CHFR: variants seen among roughly 807,000 people sequenced by gnomAD.
The protein encoded by CHFR is checkpoint with forkhead and ring finger domains, also known as E3 ubiquitin-protein ligase CHFR.
CHFR carries 57 observed loss-of-function variants against 87.6 expected under a neutral mutation model. That is an observed-to-expected ratio of 0.65 (90% CI 0.53 to 0.81). The LOEUF (loss-of-function observed/expected upper bound fraction) is 0.81, where lower values mean the gene tolerates loss of function less well. Ranked by LOEUF, CHFR falls within the 30% of genes least tolerant of loss-of-function variation. The probability of loss-of-function intolerance (pLI) is 0.00; values close to 1 mark genes in which losing one functional copy is unlikely to be tolerated. For missense variants in CHFR, 797 were observed against 865.8 expected, an observed-to-expected ratio of 0.92 and a Z score of 1.00; for synonymous variants, 381 against 359.2, an observed-to-expected ratio of 1.06 and a Z score of -0.69.
intron 15 of CHFR, among the ~76,000 whole-genome samples, chr12:132,844,588 A>G (rs1474156715): frequency 6.6e-6 from 1 of 151,086 alleles, no homozygotes; most frequent in Non-Finnish European, 1.5e-5. Flanking sequence ...CCGGCCACCA[A>G]TTTATTTTCT....
At chr12:132,848,426 G>T (rs1384834010) in intron 13 of CHFR, 2 of 704,140 alleles carry the variant, frequency 2.8e-6, no homozygotes, top group Non-Finnish European at 4.9e-6. Context: ...TGTCCTGGGA[G>T]TATCTCCCCT....
intron 4 of CHFR, among the ~76,000 whole-genome samples, chr12:132,871,564 G>A (rs1164092005): frequency 6.7e-6 from 1 of 148,474 alleles, no homozygotes; most frequent in African/African-American, 2.5e-5. Flanking sequence ...CTGAGGTCGG[G>A]AGTTTGAGAC....
intron 5 of CHFR, 80 bp downstream of exon 5, chr12:132,870,644 A>C: frequency 9.9e-7 from 1 of 1,013,664 alleles, no homozygotes; most frequent in East Asian, 2.4e-5. Flanking sequence ...TGGGTAACAG[A>C]GCGAGACTCC....
chr12:132,854,317 G>A (rs1214269988), intron 10 of CHFR: 2 of 152,274 alleles, frequency 1.3e-5, no homozygotes, highest in South Asian at 2.1e-4. Flanking sequence ...CACCCTTTCC[G>A]ATCGGTGTCT....
At position 132,836,584 on chromosome 12, in the gene CHFR, G is replaced by A. The variant is rs1285040645; in HGVS notation, c.*4970C>T. On this transcript the variant is annotated 3_prime_UTR_variant, in exon 18 of 18. Coordinates refer to ENST00000450056, the MANE Select transcript of CHFR (RefSeq NM_001161346.2). Reference sequence around the variant, plus strand: ...GTGACAGGCTCCCAGCACGGCGCACGGCACTCACTCCTGGTCTGACTGGCC... The same window carrying A: ...GTGACAGGCTCCCAGCACGGCGCACAGCACTCACTCCTGGTCTGACTGGCC... The A allele has an allele frequency of 1.1e-5, 5 of 451,078 alleles. No individual in the cohort carries two copies. The highest frequency in any genetic ancestry group is 1.8e-5 in the Non-Finnish European group (4 of 224,898). 27.9% of individuals were successfully genotyped at this position (451,078 alleles called of 1,614,324 possible). A position where few individuals can be genotyped will look rare whatever the true frequency, so the allele number is the denominator to read the frequency against.
chr12:132,884,200 C>A (rs1273212694), intron 2 of CHFR, among the ~76,000 whole-genome samples: 1 of 151,056 alleles, frequency 6.6e-6, no homozygotes, highest in Non-Finnish European at 1.5e-5. Context: ...GGGTGGATCA[C>A]CTGAGGTCAG....
chr12:132,847,773 C>A, intron 14 of CHFR: 1 of 1,257,596 alleles, frequency 8.0e-7, no homozygotes, highest in Non-Finnish European at 1.0e-6. Context: ...GCGGCACCTT[C>A]AAGAAGCCCT....
intron 12 of CHFR, among the ~76,000 whole-genome samples, chr12:132,851,030 G>A (rs988437505): frequency 2.1e-5 from 3 of 143,472 alleles, no homozygotes; most frequent in African/African-American, 5.3e-5. Flanking sequence ...TCCCTCTGTC[G>A]CCAAGGCTGG....
In CHFR at chr12:132,879,485, G is replaced by A. The variant is rs1951717336; in HGVS notation, c.134-1831C>T. Among the ~76,000 whole-genome samples the A allele has an allele frequency of 7.9e-5, 12 of 151,322 alleles. No individual in the cohort carries two copies. The South Asian group carries it at 2.5e-3, about 32-fold the overall frequency. ...AGCTCACTGCAACCTCTGCCTCCCGGGTTCAAGCGATTCTCCTGCCTCAGC... is the reference window on the plus strand; with the variant it reads ...AGCTCACTGCAACCTCTGCCTCCCGAGTTCAAGCGATTCTCCTGCCTCAGC... On this transcript the variant is annotated intron_variant, in intron 2 of 17. Coordinates refer to ENST00000450056, the MANE Select transcript of CHFR (RefSeq NM_001161346.2).
rs980893171 is a variant in CHFR at position 132,833,458 on chromosome 12, G to T, written c.*8096C>A. 1 of 152,290 alleles carries T rather than the reference G, an allele frequency of 6.6e-6. No homozygotes were observed. The highest frequency in any genetic ancestry group is 1.5e-5 in the Non-Finnish European group (1 of 68,082). 9.4% of individuals were successfully genotyped at this position (152,290 alleles called of 1,614,324 possible). On this transcript the variant is annotated 3_prime_UTR_variant, in exon 18 of 18. Transcript: ENST00000450056. ...AAGAAAAGGCAGAGGCAACCCTGGGGAGGCTCGCTGCTATTTCAGGCCGAT... is the reference window on the plus strand; with the variant it reads ...AAGAAAAGGCAGAGGCAACCCTGGGTAGGCTCGCTGCTATTTCAGGCCGAT...
intron 12 of CHFR, among the ~76,000 whole-genome samples, chr12:132,850,393 T>G (rs527434303): frequency 6.6e-6 from 1 of 152,134 alleles, no homozygotes; most frequent in Non-Finnish European, 1.5e-5. Flanking sequence ...GTGAAGAGTT[T>G]GGATTCCTGG....
chr12:132,876,595 C>G (rs1951635983), intron 3 of CHFR, among the ~76,000 whole-genome samples: 1 of 152,148 alleles, frequency 6.6e-6, no homozygotes, highest in Admixed American at 6.5e-5. Context: ...GGAAAGAAAT[C>G]AAACTTGAAT....
chr12:132,858,094 C>T (rs1050182497), intron 8 of CHFR, among the ~76,000 whole-genome samples: 13 of 152,286 alleles, frequency 8.5e-5, no homozygotes, highest in African/African-American at 2.9e-4. Flanking sequence ...GGGTGGCTCA[C>T]GTCTGTAATC....
intron 2 of CHFR, among the ~76,000 whole-genome samples, chr12:132,881,422 A>G (rs1356425202): frequency 6.6e-6 from 1 of 152,220 alleles, no homozygotes; most frequent in Non-Finnish European, 1.5e-5. Context: ...AAAGTAAATA[A>G]TGCAACTTAA....
At chr12:132,874,499 C>T (rs1480634077) in intron 3 of CHFR, among the ~76,000 whole-genome samples, 2 of 150,486 alleles carry the variant, frequency 1.3e-5, no homozygotes, top group African/African-American at 4.9e-5. Flanking sequence ...GGCCCTGGAA[C>T]AGGTGGGAAG....
chr12:132,861,460 C>A lies in CHFR; in HGVS notation c.751+7G>T. 1 of 1,613,882 alleles carries A rather than the reference C, an allele frequency of 6.2e-7. No homozygotes were observed. The highest frequency in any genetic ancestry group is 1.1e-5 in the South Asian group (1 of 91,060). On this transcript the variant is annotated splice_region_variant and intron_variant, in intron 7 of 17. Transcript: ENST00000450056. ...AGGACTGAGGACACACACAACCAGA[C>A]ACTAACCTCCTCTCATTTTCTTCTT...
At chr12:132,846,972 A>T (rs1950844102) in intron 15 of CHFR, 71 bp downstream of exon 15, 13 of 1,082,800 alleles carry the variant, frequency 1.2e-5, no homozygotes, top group Non-Finnish European at 1.8e-5. Context: ...TGTCACTGGG[A>T]GAGCAGACAC....
chr12:132,846,185 T>C (rs1950817253), intron 15 of CHFR, among the ~76,000 whole-genome samples: 1 of 151,958 alleles, frequency 6.6e-6, no homozygotes, highest in Non-Finnish European at 1.5e-5. Flanking sequence ...GCAGCAGTAG[T>C]GGCAGTCGGC....
rs1566209825 is a variant in CHFR at position 132,885,419 on chromosome 12, T to TAA, written c.133+1776_133+1777insTT. Among the ~76,000 whole-genome samples, 78 of 146,622 alleles carry TAA rather than the reference T, an allele frequency of 5.3e-4. 1 individual carries two copies. Among genetic ancestry groups the TAA allele is most frequent in the African/African-American group, 1.5e-3 (58 of 39,990 alleles). On this transcript the variant is annotated intron_variant, in intron 2 of 17. Transcript: ENST00000450056. ...GAGTGAGACTCTGTCTCAAAAAATA[T>TAA]ATAAATAAATAAATAAATAAATAAA...
Sources: allele counts gnomAD v4.1 joint callset (sites outside exome capture counted in the v4.1 genomes callset), GRCh38; gene constraint gnomAD v4.1.1; transcripts MANE v1.5; gene names NCBI Gene and HGNC (gene_info 2026-07-23, HGNC 2026-07-21).